The following LEKR1 variants were observed in gnomAD, a reference collection of about 807,000 sequenced individuals.
LEKR1 encodes protein LEKR1.
In LEKR1, 59 loss-of-function variants were observed where a neutral mutation model predicts 72.4. That is an observed-to-expected ratio of 0.82 (90% CI 0.66 to 1.01). The LOEUF is 1.01. Among genes scored for constraint, LEKR1 ranks in the 50% least tolerant of loss-of-function variants. The pLI is 0.00. For missense variants in LEKR1, 728 were observed against 759.2 expected, an observed-to-expected ratio of 0.96 and a Z score of 0.48; for synonymous variants, 257 against 263.2, an observed-to-expected ratio of 0.98 and a Z score of 0.23.
In LEKR1 at chr3:156,967,390, G is replaced by A. The variant is rs182469001; in HGVS notation, c.746-11804G>A. ...TAAAAACCTTGAAAAAAAATTAGACGAATGGATAACTAGAATAACCAGTGC... is the reference window on the plus strand; with the variant it reads ...TAAAAACCTTGAAAAAAAATTAGACAAATGGATAACTAGAATAACCAGTGC... On this transcript the variant is annotated intron_variant, in intron 6 of 12. Coordinates refer to ENST00000356539, the MANE Select transcript of LEKR1 (RefSeq NM_001004316.3). Among the ~76,000 whole-genome samples the A allele has an allele frequency of 5.0e-3, 762 of 152,214 alleles. 7 individuals are homozygous for A. Among genetic ancestry groups the A allele is most frequent in the African/African-American group, 0.018 (732 of 41,546 alleles).
Position 156,993,289 on chromosome 3 carries a change from A to ACCTT in LEKR1, c.1109+12_1109+13insCCTT, listed in dbSNP as rs746296076. 6.5e-7 allele frequency: 1 copy of ACCTT among 1,535,116 alleles called. No individual in the cohort carries two copies. The highest frequency in any genetic ancestry group is 8.8e-7 in the Non-Finnish European group (1 of 1,135,974). ...CTGAAAAATGAAAGGTGCAGTAAAC[A>ACCTT]ATAATTTCTTACAAAAACATTTTAT... On this transcript the variant is annotated intron_variant, in intron 9 of 12. Transcript: ENST00000356539.
At chr3:156,841,156 AG>A (rs1713853352) in intron 2 of LEKR1, among the ~76,000 whole-genome samples, 1 of 152,178 alleles carries the variant, frequency 6.6e-6, no homozygotes, top group Non-Finnish European at 1.5e-5. Context: ...GGATGGCCAG[AG>A]GGGGAACTTT....
intron 3 of LEKR1, among the ~76,000 whole-genome samples, chr3:156,918,560 A>G (rs1560079038): frequency 6.6e-6 from 1 of 152,120 alleles, no homozygotes; most frequent in Non-Finnish European, 1.5e-5. Flanking sequence ...GAGGCCCTAT[A>G]TGATATTAGC....
chr3:156,872,394 T>C (rs373558380), intron 3 of LEKR1, among the ~76,000 whole-genome samples: 29 of 152,042 alleles, frequency 1.9e-4, no homozygotes, highest in African/African-American at 5.8e-4. Context: ...ACTTTTCATT[T>C]CATTGATCCT....
At chr3:156,829,929 T>C (rs1348911681) in intron 2 of LEKR1, among the ~76,000 whole-genome samples, 1 of 152,188 alleles carries the variant, frequency 6.6e-6, no homozygotes, top group African/African-American at 2.4e-5. Context: ...AAAAGGCATG[T>C]CATGAATGCA....
rs937470160 is a variant in LEKR1, at chr3:156,916,246, CT to C, written c.264-4320del. Among the ~76,000 whole-genome samples, 17 of 150,940 alleles carry C rather than the reference CT, an allele frequency of 1.1e-4. 1 individual carries two copies. The highest frequency in any genetic ancestry group is 6.9e-3 in the Middle Eastern group (2 of 290). On this transcript the variant is annotated intron_variant, in intron 3 of 12. Transcript: ENST00000356539. ...TAGAATTGCTTTGTCTATTTGGGCT[CT>C]TTTTTTTTGTTCCATATGTATTTTA...
intron 5 of LEKR1, 96 bp from the exon 6 acceptor site, chr3:156,942,433 C>T: frequency 2.7e-6 from 1 of 367,454 alleles, no homozygotes; most frequent in Non-Finnish European, 4.7e-6. Flanking sequence ...TCTTGCCTTT[C>T]AACTATTAAT....
At chr3:156,976,722 A>G (rs2107996789) in intron 6 of LEKR1, among the ~76,000 whole-genome samples, 1 of 152,166 alleles carries the variant, frequency 6.6e-6, no homozygotes, top group East Asian at 1.9e-4. Flanking sequence ...TGCAGCTTTT[A>G]TATCTCAAGA....
intron 12 of LEKR1, among the ~76,000 whole-genome samples, chr3:157,041,845 A>G (rs1303639622): frequency 6.6e-6 from 1 of 152,232 alleles, no homozygotes; most frequent in Non-Finnish European, 1.5e-5. Flanking sequence ...AAAATTCTGC[A>G]ACAATCCAAC....
At chr3:156,930,209 A>G (rs1314893969) in intron 5 of LEKR1, among the ~76,000 whole-genome samples, 1 of 152,228 alleles carries the variant, frequency 6.6e-6, no homozygotes, top group East Asian at 1.9e-4. Flanking sequence ...ATAAATCAAT[A>G]GAAATTATTC....
At chr3:156,976,301 TAA>T (rs1300266014) in intron 6 of LEKR1, among the ~76,000 whole-genome samples, 1 of 152,180 alleles carries the variant, frequency 6.6e-6, no homozygotes, top group African/African-American at 2.4e-5. Flanking sequence ...CATTTTAAGA[TAA>T]GTCTTCCTTT....
chr3:157,001,117 C>T (rs1236859696), intron 9 of LEKR1, among the ~76,000 whole-genome samples: 1 of 152,184 alleles, frequency 6.6e-6, no homozygotes, highest in East Asian at 1.9e-4. Flanking sequence ...GTAAATTACC[C>T]CGTCTCAGGT....
chr3:157,040,053 T>A (rs1318776691), intron 12 of LEKR1, among the ~76,000 whole-genome samples: 1 of 152,074 alleles, frequency 6.6e-6, no homozygotes, highest in Non-Finnish European at 1.5e-5. Context: ...ACTGACCACC[T>A]GAGAACCTTA....
chr3:156,954,760 C>G (rs1576892281), intron 6 of LEKR1, among the ~76,000 whole-genome samples: 2 of 152,022 alleles, frequency 1.3e-5, no homozygotes, highest in East Asian at 1.9e-4. Flanking sequence ...GTTACTATAG[C>G]CTTGCAGTAT....
intron 7 of LEKR1, among the ~76,000 whole-genome samples, chr3:156,991,371 A>T (rs1731135116): frequency 6.6e-6 from 1 of 152,034 alleles, no homozygotes; most frequent in African/African-American, 2.4e-5. Flanking sequence ...TATATTTTAT[A>T]ATAAAAAAGA....
At chr3:157,006,344 T>C (rs925243070) in intron 9 of LEKR1, among the ~76,000 whole-genome samples, 2 of 152,192 alleles carry the variant, frequency 1.3e-5, no homozygotes, top group Admixed American at 1.3e-4. Flanking sequence ...ACTTAAAACC[T>C]GAAAGTATGA....
intron 10 of LEKR1, among the ~76,000 whole-genome samples, chr3:157,013,763 G>A (rs958782987): frequency 1.3e-5 from 2 of 152,066 alleles, no homozygotes; most frequent in Non-Finnish European, 2.9e-5. Context: ...TGAGAAAGGA[G>A]AATCATTAAT....
At chr3:156,881,809 A>G (rs1324761032) in intron 3 of LEKR1, among the ~76,000 whole-genome samples, 1 of 125,718 alleles carries the variant, frequency 8.0e-6, no homozygotes, top group Non-Finnish European at 1.7e-5. Context: ...AGAGATATAG[A>G]TCAATGGAAC....
intron 6 of LEKR1, among the ~76,000 whole-genome samples, chr3:156,963,114 C>T (rs147130860): frequency 1.1e-4 from 16 of 152,284 alleles, no homozygotes; most frequent in African/African-American, 3.8e-4. Context: ...TCTCCTTCTG[C>T]TCATTCAGAT....
Sources: allele counts gnomAD v4.1 joint callset (sites outside exome capture counted in the v4.1 genomes callset), GRCh38; gene constraint gnomAD v4.1.1; transcripts MANE v1.5; gene names NCBI Gene and HGNC (gene_info 2026-07-23, HGNC 2026-07-21).